The following ZNF841 variants were observed in gnomAD, a reference collection of about 807,000 sequenced individuals.
ZNF841 encodes the protein TCONS_00006091.
A neutral mutation model predicts 13.0 loss-of-function variants in ZNF841; 11 were observed. That is an observed-to-expected ratio of 0.85 (90% CI 0.53 to 1.40). The LOEUF (loss-of-function observed/expected upper bound fraction) is 1.40, where lower values mean the gene tolerates loss of function less well. Among genes scored for constraint, ZNF841 ranks in the 40% most tolerant of loss-of-function variants. The probability of loss-of-function intolerance (pLI) is 0.00; values close to 1 mark genes in which losing one functional copy is unlikely to be tolerated. For missense variants in ZNF841, 1,068 were observed against 1,139.5 expected, an observed-to-expected ratio of 0.94 and a Z score of 0.90; for synonymous variants, 369 against 381.6, an observed-to-expected ratio of 0.97 and a Z score of 0.38.
At chr19:52,063,688 G>T (rs1452186822), downstream of ZNF841, 1 of 152,212 alleles carries the variant, frequency 6.6e-6, no homozygotes, top group African/African-American at 2.4e-5. Context: ...CGTTACATTT[G>T]TAAGACTGTT....
At position 52,068,900 on chromosome 19, in the gene ZNF841, A is replaced by AG; in HGVS notation, c.272-1291dup. ...AGCACGAGAATCACATAAACCTGTA[A>AG]GGGGGAGGTTGCAGTCAGCCAAGAT... On this transcript the variant is annotated intron_variant, in intron 6 of 6. Coordinates refer to ENST00000594440, the MANE Select transcript of ZNF841 (RefSeq NM_001136499.2). Among the ~76,000 whole-genome samples the AG allele has an allele frequency of 2.0e-5, 3 of 152,170 alleles. No individual in the cohort carries two copies. The East Asian group carries it at 5.8e-4, about 29-fold the overall frequency.
chr19:52,065,284 T>A lies in ZNF841; in HGVS notation c.2598A>T (p.Lys866Asn). Residue 866 changes from lysine (K) to asparagine (N), a missense_variant, in exon 7 of 7, where the codon AAA becomes AAT. Transcript: ENST00000594440. Reference protein sequence around the residue: ...KAFGRRSCLTKHQRIHSSEKP... With the variant: ...KAFGRRSCLTNHQRIHSSEKP... ...TTTCACTAGAATGAATTCGTTGGTG[T>A]TTAGTGAGGCAAGACCGCCGCCCAA... The A allele has an allele frequency of 6.2e-7, 1 of 1,613,616 alleles. No individual in the cohort carries two copies. Among genetic ancestry groups the A allele is most frequent in the Non-Finnish European group, 8.5e-7 (1 of 1,179,774 alleles).
chr19:52,061,267 C>T (rs533917496), downstream of ZNF841, among the ~76,000 whole-genome samples: 3 of 152,186 alleles, frequency 2.0e-5, no homozygotes, highest in Non-Finnish European at 4.4e-5. Flanking sequence ...CCCTGACACT[C>T]TAAAGATAAA....
intron 6 of ZNF841, 116 bp from the exon 7 acceptor site, chr19:52,067,726 T>C (rs1033678709): frequency 4.8e-6 from 3 of 623,012 alleles, no homozygotes; most frequent in Admixed American, 4.1e-5. Context: ...GTGAAACTTT[T>C]CTACCATGAT....
chr19:52,063,033 G>A (rs1373669153), downstream of ZNF841, among the ~76,000 whole-genome samples: 3 of 151,924 alleles, frequency 2.0e-5, no homozygotes, highest in Admixed American at 1.3e-4. Flanking sequence ...GTGCCACCAC[G>A]CCTGGCTAAT....
At chr19:52,092,011 T>G (rs543370288) in intron 2 of ZNF841, among the ~76,000 whole-genome samples, 1 of 152,104 alleles carries the variant, frequency 6.6e-6, no homozygotes, top group Non-Finnish European at 1.5e-5. Context: ...GGAGTGGTGG[T>G]GCAACCTGTA....
chr19:52,079,598 A>G (rs1239035473), intron 4 of ZNF841, among the ~76,000 whole-genome samples: 2 of 152,136 alleles, frequency 1.3e-5, no homozygotes, highest in Non-Finnish European at 2.9e-5. Flanking sequence ...GTCATTCACC[A>G]CTGCACTGGA....
chr19:52,071,414 A>G (rs2087734960), intron 6 of ZNF841, among the ~76,000 whole-genome samples: 1 of 152,224 alleles, frequency 6.6e-6, no homozygotes, highest in Non-Finnish European at 1.5e-5. Context: ...CTTTACTGAT[A>G]GTACAAGAAC....
intron 3 of ZNF841, among the ~76,000 whole-genome samples, chr19:52,086,454 T>C (rs1364660227): frequency 6.6e-6 from 1 of 152,218 alleles, no homozygotes; most frequent in Non-Finnish European, 1.5e-5. Flanking sequence ...TGGAATCTTC[T>C]TGCAGCCTCC....
downstream of ZNF841, among the ~76,000 whole-genome samples, chr19:52,062,784 G>A (rs185397889): frequency 2.0e-3 from 305 of 151,848 alleles, 1 homozygote; most frequent in Non-Finnish European, 3.5e-3. Flanking sequence ...TTATTTTACC[G>A]TATGTATCAT....
At chr19:52,085,388 A>G (rs935635488) in intron 3 of ZNF841, among the ~76,000 whole-genome samples, 1 of 152,244 alleles carries the variant, frequency 6.6e-6, no homozygotes, top group Non-Finnish European at 1.5e-5. Flanking sequence ...ATGTGAAGCC[A>G]GGGTTGAACA....
intron 3 of ZNF841, among the ~76,000 whole-genome samples, chr19:52,085,373 C>A (rs190073393): frequency 6.6e-6 from 1 of 152,318 alleles, no homozygotes; most frequent in Admixed American, 6.5e-5. Context: ...TGCCTCAGCA[C>A]GCTAATGTGA....
At chr19:52,069,723 C>A (rs2087687813) in intron 6 of ZNF841, among the ~76,000 whole-genome samples, 1 of 152,136 alleles carries the variant, frequency 6.6e-6, no homozygotes, top group Non-Finnish European at 1.5e-5. Context: ...ACAGAGTCAG[C>A]CATGGCACAC....
chr19:52,071,089 T>G (rs1023334159), intron 6 of ZNF841, among the ~76,000 whole-genome samples: 1 of 152,110 alleles, frequency 6.6e-6, no homozygotes, highest in African/African-American at 2.4e-5. Context: ...AATGTAGAGG[T>G]AGTATTGTAC....
chr19:52,070,682 G>T (rs1030688961), intron 6 of ZNF841, among the ~76,000 whole-genome samples: 9 of 152,138 alleles, frequency 5.9e-5, no homozygotes, highest in Non-Finnish European at 1.3e-4. Flanking sequence ...ACAGGCTTTG[G>T]CTCCCTGCAA....
chr19:52,062,908 C>G (rs370824505), downstream of ZNF841, among the ~76,000 whole-genome samples: 2 of 133,736 alleles, frequency 1.5e-5, no homozygotes, highest in African/African-American at 5.8e-5. Context: ...CGGAGTCTTG[C>G]TCTGTCGCCC....
intron 3 of ZNF841, among the ~76,000 whole-genome samples, chr19:52,087,071 G>T (rs1299651285): frequency 6.6e-6 from 1 of 152,188 alleles, no homozygotes; most frequent in Non-Finnish European, 1.5e-5. Context: ...AGGCTTTAGG[G>T]TCTGTGTGTG....
chr19:52,076,008 T>A, intron 6 of ZNF841, 36 bp downstream of exon 6: 2 of 1,549,506 alleles, frequency 1.3e-6, no homozygotes, highest in Non-Finnish European at 1.7e-6. Context: ...CACAATTTCA[T>A]GGTACCGCTT....
Position 52,066,574 on chromosome 19 carries a change from C to T in ZNF841, c.1308G>A (p.Lys436=), listed in dbSNP as rs1403066817. ...KKPYTCDVCG[K]VFYQNSQLVR... ...CAAGTTGTGAATTCTGATAAAAGAC[C>T]TTGCCACATACATCACATGTATATG... The change falls in exon 7 of 7, where the codon AAG becomes AAA. Residue 436 remains lysine (K), a synonymous_variant. Coordinates refer to ENST00000594440, the MANE Select transcript of ZNF841 (RefSeq NM_001136499.2). 1 of 1,613,662 alleles carries T rather than the reference C, an allele frequency of 6.2e-7. No individual in the cohort carries two copies.
Sources: allele counts gnomAD v4.1 joint callset (sites outside exome capture counted in the v4.1 genomes callset), GRCh38; gene constraint gnomAD v4.1.1; transcripts MANE v1.5; gene names NCBI Gene and HGNC (gene_info 2026-07-23, HGNC 2026-07-21).